Variants in OR56A3 observed in about 807,000 individuals in gnomAD.
OR56A3 encodes the protein olfactory receptor 56A3.
In OR56A3, 23 loss-of-function variants were observed where a neutral mutation model predicts 17.5. That is an observed-to-expected ratio of 1.32 (90% CI 0.95 to 1.87). The LOEUF is 1.87. Ranked by LOEUF, OR56A3 falls within the 40% of genes most tolerant of loss-of-function variation. The probability of loss-of-function intolerance (pLI) is 0.00; values close to 1 mark genes in which losing one functional copy is unlikely to be tolerated. For missense variants in OR56A3, 366 were observed against 380.1 expected, an observed-to-expected ratio of 0.96 and a Z score of 0.31; for synonymous variants, 175 against 150.6, an observed-to-expected ratio of 1.16 and a Z score of -1.19.
the OR56A3 span, chr11:5,994,350 T>G: frequency 1.5e-6 from 1 of 689,250 alleles, no homozygotes; most frequent in Admixed American, 1.8e-5. Flanking sequence ...CTCAATCTGC[T>G]GAGACCAGTA....
the OR56A3 span, among the ~76,000 whole-genome samples, chr11:5,961,410 T>A: frequency 6.6e-6 from 1 of 152,100 alleles, no homozygotes; most frequent in African/African-American, 2.4e-5. Flanking sequence ...CTAGGAAAAA[T>A]TCTTCTGCCT....
At chr11:6,007,705 A>G in the OR56A3 span, among the ~76,000 whole-genome samples, 14 of 152,214 alleles carry the variant, frequency 9.2e-5, no homozygotes, top group Non-Finnish European at 1.3e-4. Context: ...ATTTCTCTGA[A>G]TACACCAGTA....
At chr11:5,967,856 G>C in the OR56A3 span, 3 of 1,569,422 alleles carry the variant, frequency 1.9e-6, no homozygotes, top group Non-Finnish European at 2.6e-6. Context: ...TAAGGATGAG[G>C]TCAGAGCCCA....
chr11:5,948,240 G>A lies in OR56A3; in HGVS notation c.894G>A (p.Val298=), dbSNP rs749002052. The A allele has an allele frequency of 1.5e-5, 25 of 1,614,058 alleles. No individual in the cohort carries two copies. Among genetic ancestry groups the A allele is most frequent in the Non-Finnish European group, 2.1e-5 (25 of 1,180,028 alleles). The change falls in exon 3 of 3, where the codon GTG becomes GTA. Residue 298 remains valine, a synonymous_variant. Coordinates refer to ENST00000641160, the MANE Select transcript of OR56A3 (RefSeq NM_001003443.3). ...PAALNPIIYG[V]RTQEIKQGMQ... ...CCCTTAACCCCATCATTTACGGGGTGAGAACCCAAGAAATTAAGCAGGGAA... is the reference window on the plus strand; with the variant it reads ...CCCTTAACCCCATCATTTACGGGGTAAGAACCCAAGAAATTAAGCAGGGAA...
rs1227616645 is a variant in OR56A3, at chr11:5,948,106, T to C, written c.760T>C (p.Phe254Leu). The change falls in exon 3 of 3, where the codon TTC becomes CTC. Residue 254 changes from phenylalanine (F) to leucine (L), a missense_variant. Physicochemically the swap from Phe to Leu is conservative, Grantham distance 22. Coordinates refer to ENST00000641160, the MANE Select transcript of OR56A3 (RefSeq NM_001003443.3). ...TGGCTCCCACTTCATGCTCATCCTC[T>C]TCTTCAGCACCATCCTTCTGGTTTT... is the stretch of plus-strand genomic sequence containing the variant. The part of the protein sequence containing the change: ...TCGSHFMLIL[F>L]FSTILLVFVL... 1.2e-6 allele frequency: 2 copies of C among 1,614,134 alleles called. No individual in the cohort carries two copies. The highest frequency in any genetic ancestry group is 1.3e-5 in the African/African-American group (1 of 74,946).
At chr11:6,021,663 A>G in the OR56A3 span, 1 of 151,672 alleles carries the variant, frequency 6.6e-6, no homozygotes, top group Non-Finnish European at 1.5e-5. Flanking sequence ...GGGAACATTA[A>G]TAAAGGCACA....
At chr11:5,955,515 G>T (rs1469152495), downstream of OR56A3, among the ~76,000 whole-genome samples, 1 of 152,112 alleles carries the variant, frequency 6.6e-6, no homozygotes, top group Non-Finnish European at 1.5e-5. Context: ...AAAAAGTTTA[G>T]AGCAGGAATG....
chr11:6,002,646 C>T, the OR56A3 span: 1 of 1,614,238 alleles, frequency 6.2e-7, no homozygotes. Flanking sequence ...CATGAACGTG[C>T]AGGACTCCAT....
the OR56A3 span, among the ~76,000 whole-genome samples, chr11:5,972,385 A>G: frequency 2.6e-5 from 4 of 152,014 alleles, no homozygotes; most frequent in Admixed American, 1.3e-4. Context: ...GCATGAGGAG[A>G]AAGTCTCCTG....
At chr11:5,973,532 G>A in the OR56A3 span, among the ~76,000 whole-genome samples, 8 of 151,968 alleles carry the variant, frequency 5.3e-5, no homozygotes, top group Non-Finnish European at 1.2e-4. Context: ...TTTTTCAGTG[G>A]ATGATTATTC....
chr11:5,968,136 A>G, the OR56A3 span: 1 of 1,614,236 alleles, frequency 6.2e-7, no homozygotes, highest in African/African-American at 1.3e-5. Context: ...ATAGGCCATG[A>G]TCATGAATGT....
the OR56A3 span, chr11:5,994,937 C>T: frequency 1.3e-6 from 1 of 746,522 alleles, no homozygotes; most frequent in Non-Finnish European, 2.5e-6. Context: ...CTGGATGCCT[C>T]CCATTCCTGC....
At chr11:5,990,608 GATAATAGGGT>G in the OR56A3 span, among the ~76,000 whole-genome samples, 1 of 151,854 alleles carries the variant, frequency 6.6e-6, no homozygotes, top group Non-Finnish European at 1.5e-5. Context: ...TGATCTCTAT[GATAATAGGGT>G]AAAAAAGAAG....
chr11:5,956,834 C>A, the OR56A3 span, among the ~76,000 whole-genome samples: 1 of 152,168 alleles, frequency 6.6e-6, no homozygotes, highest in Non-Finnish European at 1.5e-5. Flanking sequence ...TACACACTTC[C>A]AAAAATGAAG....
chr11:5,983,064 G>T, the OR56A3 span, among the ~76,000 whole-genome samples: 1 of 152,038 alleles, frequency 6.6e-6, no homozygotes, highest in Non-Finnish European at 1.5e-5. Flanking sequence ...CTTCCTGGCT[G>T]TGTCTAGTCA....
chr11:5,966,664 T>C, the OR56A3 span, among the ~76,000 whole-genome samples: 1 of 152,138 alleles, frequency 6.6e-6, no homozygotes, highest in Non-Finnish European at 1.5e-5. Context: ...CTAATTCAGA[T>C]GTCTGGATCC....
In OR56A3 at chr11:5,948,048, A is replaced by C. The variant is rs776106388; in HGVS notation, c.702A>C (p.Ala234=). The C allele has an allele frequency of 3.1e-6, 5 of 1,614,122 alleles. No homozygotes were observed. In the African/African-American group the frequency reaches 6.7e-5, roughly 22 times the overall value. The change falls in exon 3 of 3, where the codon GCA becomes GCC. Residue 234 remains alanine, a synonymous_variant. Transcript: ENST00000641160. ...FILRAVLRLK[A]EGAVAKALST... is the part of the protein sequence containing the mutation. ...TGCGAGCTGTGCTGAGACTCAAGGC[A>C]GAGGGTGCCGTGGCAAAGGCCCTAA... is the stretch of plus-strand genomic sequence containing the variant.
the OR56A3 span, among the ~76,000 whole-genome samples, chr11:5,965,356 T>G: frequency 2.6e-5 from 4 of 152,176 alleles, no homozygotes; most frequent in Admixed American, 6.5e-5. Context: ...GAACTCATAT[T>G]GAGATTGGTG....
At chr11:5,955,912 T>C (rs1414930123), downstream of OR56A3, among the ~76,000 whole-genome samples, 1 of 152,230 alleles carries the variant, frequency 6.6e-6, no homozygotes, top group East Asian at 1.9e-4. Flanking sequence ...GCCCTACGAA[T>C]ACTTGCTGGC....
Sources: gnomAD v4.1 joint callset for allele counts (sites outside exome capture counted in the v4.1 genomes callset) on GRCh38, gnomAD v4.1.1 for gene constraint, MANE v1.5 for transcripts, NCBI Gene and HGNC (gene_info 2026-07-23, HGNC 2026-07-21) for gene names.